The following TENM3 variants were observed in gnomAD, a reference collection of about 807,000 sequenced individuals.
TENM3 encodes the protein teneurin-3.
TENM3 carries 63 observed loss-of-function variants against 255.1 expected under a neutral mutation model. That is an observed-to-expected ratio of 0.25 (90% CI 0.20 to 0.30). The LOEUF (loss-of-function observed/expected upper bound fraction) is 0.30. Ranked by LOEUF, TENM3 falls within the 10% of genes least tolerant of loss-of-function variation. The pLI, the probability that TENM3 is intolerant of heterozygous loss-of-function variation, is 1.00. For missense variants in TENM3, 2,929 were observed against 3,461.1 expected, an observed-to-expected ratio of 0.85 and a Z score of 3.86; for synonymous variants, 1,306 against 1,322.3, an observed-to-expected ratio of 0.99 and a Z score of 0.27.
chr4:182,308,488 TA>T (rs906024880), intron 1 of TENM3, among the ~76,000 whole-genome samples: 1 of 151,856 alleles, frequency 6.6e-6, no homozygotes, highest in Non-Finnish European at 1.5e-5. Flanking sequence ...ACTGGCTAAT[TA>T]AAAAACAAAA....
chr4:182,728,923 C>G, intron 13 of TENM3, 42 bp from the exon 14 acceptor site: 1 of 1,533,700 alleles, frequency 6.5e-7, no homozygotes, highest in Middle Eastern at 1.7e-4. Context: ...ATTATGGCAT[C>G]AAAAGGAAAA....
rs781170358 is a variant in TENM3, at chr4:182,736,827, C to T, written c.2987C>T (p.Thr996Ile). 35 of 1,613,288 alleles carry T rather than the reference C, an allele frequency of 2.2e-5. No individual in the cohort carries two copies. The highest frequency in any genetic ancestry group is 6.7e-5 in the East Asian group (3 of 44,866). ...PETQVLHEET[T>I]IPGTDLKLSY... ...ACTTAGGTACTCCACGAGGAAACTA[C>T]AATTCCAGGAACAGATTTGAAACTC... is the stretch of plus-strand genomic sequence containing the variant. Residue 996 changes from threonine (T) to isoleucine (I), a missense_variant, in exon 17 of 28, where the codon ACA becomes ATA. Transcript: ENST00000511685.
At chr4:181,866,787 T>C in the TENM3 span, among the ~76,000 whole-genome samples, 1 of 152,160 alleles carries the variant, frequency 6.6e-6, no homozygotes, top group Non-Finnish European at 1.5e-5. Context: ...CCATAAAACT[T>C]TCGTCACTTG....
chr4:182,628,981 T>C (rs1390828734), intron 5 of TENM3, 92 bp downstream of exon 5: 2 of 770,910 alleles, frequency 2.6e-6, no homozygotes, highest in South Asian at 3.7e-5. Context: ...TAGAAATATA[T>C]TGTGAGATTA....
the TENM3 span, among the ~76,000 whole-genome samples, chr4:181,700,145 GT>G: frequency 1.3e-5 from 2 of 152,132 alleles, no homozygotes; most frequent in African/African-American, 4.8e-5. Flanking sequence ...CAGATTGCAA[GT>G]GGGAAAATAA....
chr4:181,935,437 G>A, the TENM3 span, among the ~76,000 whole-genome samples: 1 of 152,144 alleles, frequency 6.6e-6, no homozygotes, highest in Admixed American at 6.5e-5. Flanking sequence ...TTCCTCTTTT[G>A]TTTTCTATTT....
intron 3 of TENM3, among the ~76,000 whole-genome samples, chr4:182,465,663 T>C (rs953231917): frequency 1.3e-5 from 2 of 152,048 alleles, no homozygotes; most frequent in East Asian, 1.9e-4. Context: ...ACTGCTAGAG[T>C]CTTCAATTCA....
chr4:181,479,015 T>C, the TENM3 span, among the ~76,000 whole-genome samples: 2 of 152,156 alleles, frequency 1.3e-5, no homozygotes, highest in African/African-American at 4.8e-5. Context: ...TAGAGAGAAA[T>C]GACACATCAC....
chr4:182,430,643 T>C (rs945803752), intron 3 of TENM3, among the ~76,000 whole-genome samples: 1 of 152,184 alleles, frequency 6.6e-6, no homozygotes, highest in Non-Finnish European at 1.5e-5. Context: ...ACGCTGCTCA[T>C]GTGTGTCCTC....
the TENM3 span, among the ~76,000 whole-genome samples, chr4:181,746,359 A>G: frequency 6.6e-6 from 1 of 152,210 alleles, no homozygotes; most frequent in Admixed American, 6.6e-5. Flanking sequence ...CAAGTCACCC[A>G]GGATTTTGTC....
At chr4:181,681,225 G>A in the TENM3 span, among the ~76,000 whole-genome samples, 1 of 152,020 alleles carries the variant, frequency 6.6e-6, no homozygotes, top group Non-Finnish European at 1.5e-5. Context: ...AAATCTCATA[G>A]CTTGCCTGGA....
chr4:182,771,502 G>GT lies in TENM3; in HGVS notation c.4893-1970_4893-1969insT, dbSNP rs972229622. On this transcript the variant is annotated intron_variant, in intron 22 of 27. Coordinates refer to ENST00000511685, the MANE Select transcript of TENM3 (RefSeq NM_001080477.4). ...TTTCATTTTCCGTCTCTGAAATGGG[G>GT]GGGGGGGAAATAGTACAATACAGAA... is the stretch of plus-strand genomic sequence containing the variant. Among the ~76,000 whole-genome samples the GT allele has an allele frequency of 1.1e-4, 17 of 150,066 alleles. 1 individual carries two copies. In the Middle Eastern group the frequency reaches 0.01, roughly 90 times the overall value.
the TENM3 span, among the ~76,000 whole-genome samples, chr4:181,528,351 C>A: frequency 6.6e-6 from 1 of 152,120 alleles, no homozygotes. Flanking sequence ...ATTATAAGTT[C>A]TATCTTGATA....
intron 18 of TENM3, among the ~76,000 whole-genome samples, chr4:182,741,627 A>C (rs1268231257): frequency 6.6e-6 from 1 of 152,244 alleles, no homozygotes; most frequent in Non-Finnish European, 1.5e-5. Context: ...TTATCAACTA[A>C]CGTAATCACA....
At chr4:182,384,440 A>G (rs1398781037) in intron 3 of TENM3, among the ~76,000 whole-genome samples, 1 of 152,176 alleles carries the variant, frequency 6.6e-6, no homozygotes, top group African/African-American at 2.4e-5. Context: ...AACAAAGAGT[A>G]TAAACAAAGA....
At chr4:182,408,318 C>G (rs1275128690) in intron 3 of TENM3, among the ~76,000 whole-genome samples, 1 of 152,190 alleles carries the variant, frequency 6.6e-6, no homozygotes, top group East Asian at 1.9e-4. Flanking sequence ...CATCCATATT[C>G]CTTAGTCGAC....
At chr4:181,785,377 G>T in the TENM3 span, among the ~76,000 whole-genome samples, 63 of 152,286 alleles carry the variant, frequency 4.1e-4, 2 homozygotes, top group Middle Eastern at 3.4e-3. Context: ...GCTACTTTCA[G>T]ACTGTCTCCT....
At chr4:181,744,230 G>A in the TENM3 span, among the ~76,000 whole-genome samples, 1 of 152,086 alleles carries the variant, frequency 6.6e-6, no homozygotes, top group Non-Finnish European at 1.5e-5. Flanking sequence ...ATTAGTGATG[G>A]GCATTTAGGT....
chr4:181,795,020 C>A, the TENM3 span, among the ~76,000 whole-genome samples: 17 of 152,188 alleles, frequency 1.1e-4, no homozygotes, highest in African/African-American at 4.1e-4. Context: ...CCTACACTAA[C>A]AATAGCCTAC....
Sources: gnomAD v4.1 joint callset for allele counts (sites outside exome capture counted in the v4.1 genomes callset) on GRCh38, gnomAD v4.1.1 for gene constraint, MANE v1.5 for transcripts, NCBI Gene and HGNC (gene_info 2026-07-23, HGNC 2026-07-21) for gene names.